The following GABRG3 variants were observed in gnomAD, a reference collection of about 807,000 sequenced individuals.
The protein encoded by GABRG3 is gamma-aminobutyric acid receptor subunit gamma-3.
GABRG3 carries 25 observed loss-of-function variants against 48.8 expected under a neutral mutation model. The ratio of observed to expected loss-of-function variants is 0.51; its 90% confidence interval spans 0.37 to 0.72. The LOEUF is 0.72. Ranked by LOEUF, GABRG3 falls within the 30% of genes least tolerant of loss-of-function variation. The pLI is 0.00. For synonymous variants in GABRG3, 227 were observed against 217.6 expected (o/e 1.04, Z -0.38); for missense variants, 394 against 577.9 (o/e 0.68, Z 3.26).
intron 3 of GABRG3, among the ~76,000 whole-genome samples, chr15:27,099,530 A>G (rs930465416): frequency 6.6e-6 from 1 of 152,090 alleles, no homozygotes; most frequent in Non-Finnish European, 1.5e-5. Context: ...TTTTAACATC[A>G]TTACGTCTTT....
intron 3 of GABRG3, among the ~76,000 whole-genome samples, chr15:27,138,387 G>A (rs540123202): frequency 6.6e-6 from 1 of 152,308 alleles, no homozygotes; most frequent in South Asian, 2.1e-4. Context: ...TATAGCCCAA[G>A]TGTAATATAA....
At chr15:27,027,630 C>T (rs138231927) in intron 3 of GABRG3, among the ~76,000 whole-genome samples, 1,588 of 152,260 alleles carry the variant, frequency 0.01, 43 homozygotes, top group Non-Finnish European at 8.5e-3. Flanking sequence ...TAAAAGTGTT[C>T]TTTTCTCTGG....
intron 3 of GABRG3, among the ~76,000 whole-genome samples, chr15:27,185,511 A>G (rs1024773931): frequency 6.6e-5 from 10 of 152,122 alleles, no homozygotes; most frequent in Admixed American, 3.3e-4. Context: ...GTGGATTCCA[A>G]TGTTATTGGG....
intron 3 of GABRG3, among the ~76,000 whole-genome samples, chr15:27,287,726 A>G (rs1483877337): frequency 7.2e-6 from 1 of 139,510 alleles, no homozygotes; most frequent in Non-Finnish European, 1.5e-5. Flanking sequence ...ATTCAAGATG[A>G]TTTGCTGTGT....
intron 3 of GABRG3, among the ~76,000 whole-genome samples, chr15:27,112,849 C>T (rs751343861): frequency 3.3e-5 from 5 of 152,190 alleles, no homozygotes; most frequent in South Asian, 2.1e-4. Context: ...TGCTAGTTTA[C>T]AGCACTGTGG....
At chr15:27,264,527 A>G (rs931365986) in intron 3 of GABRG3, among the ~76,000 whole-genome samples, 7 of 151,912 alleles carry the variant, frequency 4.6e-5, no homozygotes, top group Admixed American at 3.9e-4. Flanking sequence ...CCTAACACAA[A>G]CACTACCCCT....
Position 27,266,548 on chromosome 15 carries a change from A to G in GABRG3, c.271-60261A>G, listed in dbSNP as rs569852137. 2.6e-4 allele frequency among the ~76,000 whole-genome samples: 39 copies of G among 152,332 alleles called. No homozygotes were observed. The South Asian group carries it at 7.0e-3, about 28-fold the overall frequency. ...TGCTTTGCATTCCTACAAAAATTTT[A>G]GAAATAGCCTGTCAATTTCTAAAAA... On this transcript the variant is annotated intron_variant, in intron 3 of 9. Coordinates refer to ENST00000615808, the MANE Select transcript of GABRG3 (RefSeq NM_033223.5).
chr15:27,243,409 G>A (rs534886729), intron 3 of GABRG3, among the ~76,000 whole-genome samples: 51 of 152,228 alleles, frequency 3.4e-4, no homozygotes, highest in African/African-American at 1.1e-3. Context: ...AAGAAAGAAG[G>A]CATATCTTCA....
At chr15:27,089,473 A>T (rs534519580) in intron 3 of GABRG3, among the ~76,000 whole-genome samples, 12 of 152,262 alleles carry the variant, frequency 7.9e-5, no homozygotes, top group African/African-American at 2.9e-4. Context: ...TCACCTCCCC[A>T]GGTGACTCTA....
intron 3 of GABRG3, among the ~76,000 whole-genome samples, chr15:27,094,504 G>A (rs548606990): frequency 1.4e-4 from 21 of 152,276 alleles, no homozygotes; most frequent in African/African-American, 4.8e-4. Flanking sequence ...CATACAGATG[G>A]GATTGACCTT....
intron 5 of GABRG3, among the ~76,000 whole-genome samples, chr15:27,468,240 G>C (rs1889677506): frequency 6.6e-6 from 1 of 152,204 alleles, no homozygotes; most frequent in African/African-American, 2.4e-5. Flanking sequence ...CAAGAAAGGG[G>C]AGTGTGGCAT....
rs527450364 is a variant in GABRG3 at position 27,061,686 on chromosome 15, T to C, written c.270+34865T>C. ...CAAGTCTCCCTATCTCCTATCCCCC[T>C]GCTCCCCACCAAAGAGAAAAAAAGT... On this transcript the variant is annotated intron_variant, in intron 3 of 9. Coordinates refer to ENST00000615808, the MANE Select transcript of GABRG3 (RefSeq NM_033223.5). Among the ~76,000 whole-genome samples the C allele has an allele frequency of 1.1e-4, 16 of 152,204 alleles. No individual in the cohort carries two copies. The East Asian group carries it at 2.9e-3, about 28-fold the overall frequency.
chr15:27,200,432 C>T (rs1389184550), intron 3 of GABRG3, among the ~76,000 whole-genome samples: 1 of 152,106 alleles, frequency 6.6e-6, no homozygotes, highest in Non-Finnish European at 1.5e-5. Context: ...TGTGTGTTTC[C>T]TGGGTGGGCC....
At chr15:27,252,028 G>C (rs1890473054) in intron 3 of GABRG3, among the ~76,000 whole-genome samples, 1 of 152,178 alleles carries the variant, frequency 6.6e-6, no homozygotes, top group Non-Finnish European at 1.5e-5. Flanking sequence ...TGTGCCCGCT[G>C]GAAAAAGATG....
chr15:27,172,438 CCTTT>C (rs2140411555), intron 3 of GABRG3, among the ~76,000 whole-genome samples: 1 of 152,254 alleles, frequency 6.6e-6, no homozygotes, highest in East Asian at 1.9e-4. Flanking sequence ...CCGCCACCAC[CCTTT>C]CTTTCTCCCT....
intron 3 of GABRG3, among the ~76,000 whole-genome samples, chr15:27,111,173 G>A (rs1897541610): frequency 6.6e-6 from 1 of 151,918 alleles, no homozygotes; most frequent in African/African-American, 2.4e-5. Context: ...TCTGTTTTGA[G>A]TCTACTCATG....
intron 5 of GABRG3, among the ~76,000 whole-genome samples, chr15:27,452,207 G>A (rs570239138): frequency 6.6e-6 from 1 of 152,282 alleles, no homozygotes; most frequent in African/African-American, 2.4e-5. Flanking sequence ...TAGAATGGCT[G>A]TTACCCAAAA....
At chr15:27,450,625 G>A (rs1384921432) in intron 5 of GABRG3, among the ~76,000 whole-genome samples, 1 of 152,036 alleles carries the variant, frequency 6.6e-6, no homozygotes, top group Non-Finnish European at 1.5e-5. Flanking sequence ...AAAGGCTGAA[G>A]GCTTTTCCTG....
At chr15:26,995,869 G>A (rs573738555) in intron 2 of GABRG3, among the ~76,000 whole-genome samples, 1 of 151,726 alleles carries the variant, frequency 6.6e-6, no homozygotes, top group East Asian at 1.9e-4. Flanking sequence ...TTTTTTATAT[G>A]CACCATTTAA....
Sources: gnomAD v4.1 joint callset for allele counts (sites outside exome capture counted in the v4.1 genomes callset) on GRCh38, gnomAD v4.1.1 for gene constraint, MANE v1.5 for transcripts, NCBI Gene and HGNC (gene_info 2026-07-23, HGNC 2026-07-21) for gene names.